The following CCDC125 variants were observed in gnomAD, a reference collection of about 807,000 sequenced individuals.
The protein encoded by CCDC125 is coiled-coil domain-containing protein 125.
In CCDC125, 43 loss-of-function variants were observed where a neutral mutation model predicts 57.4. The observed-to-expected ratio is 0.75, with a 90% CI of 0.59 to 0.97. The LOEUF is 0.97. Among genes scored for constraint, CCDC125 ranks in the 50% least tolerant of loss-of-function variants. The pLI, the probability that CCDC125 is intolerant of heterozygous loss-of-function variation, is 0.00. For synonymous variants in CCDC125, 187 were observed against 195.2 expected, an observed-to-expected ratio of 0.96 and a Z score of 0.35; for missense variants, 563 against 595.7, an observed-to-expected ratio of 0.95 and a Z score of 0.57.
chr5:69,274,614 GTATT>G, the CCDC125 span, among the ~76,000 whole-genome samples: 1 of 152,078 alleles, frequency 6.6e-6, no homozygotes, highest in South Asian at 2.1e-4. Context: ...CCTAAAGGAA[GTATT>G]TATTTATTTA....
At chr5:69,307,733 C>T in intron 5 of CCDC125, 1 of 533,696 alleles carries the variant, frequency 1.9e-6, no homozygotes, top group Non-Finnish European at 3.3e-6. Context: ...GGCAGGCCTC[C>T]TACTACCTTA....
At chr5:69,300,166 C>G in intron 7 of CCDC125, 39 bp from the exon 8 acceptor site, 1 of 1,409,220 alleles carries the variant, frequency 7.1e-7, no homozygotes, top group Non-Finnish European at 1.0e-6. Context: ...ATTATGAAGC[C>G]TAACTCCACC....
At chr5:69,321,840 T>TC (rs1760068108) in intron 1 of CCDC125, among the ~76,000 whole-genome samples, 1 of 147,196 alleles carries the variant, frequency 6.8e-6, no homozygotes, top group Non-Finnish European at 1.5e-5. Context: ...TTCAGAACTC[T>TC]TTTTTTTTTC....
intron 1 of CCDC125, among the ~76,000 whole-genome samples, chr5:69,330,195 C>T (rs1761244067): frequency 6.6e-6 from 1 of 152,158 alleles, no homozygotes; most frequent in Non-Finnish European, 1.5e-5. Context: ...CTCTAAGGCT[C>T]TTTTTCTTTT....
intron 8 of CCDC125, among the ~76,000 whole-genome samples, chr5:69,297,550 G>T (rs1172548054): frequency 1.3e-5 from 2 of 151,662 alleles, no homozygotes; most frequent in Non-Finnish European, 2.9e-5. Flanking sequence ...TGGAGACAGG[G>T]TTTCTCCGTG....
chr5:69,314,040 G>A lies in CCDC125; in HGVS notation c.311C>T (p.Ser104Leu), dbSNP rs767645066. ...NYRRQSSTVD[S>L]NSELSNEELR... ...TTCTTCATTTGACAATTCTGAATTC[G>A]AATCTACTTGGGAGGGAGGAGAAAA... The change falls in exon 3 of 12, where the codon TCG becomes TTG. Residue 104 changes from serine (S) to leucine (L), a missense_variant. By Grantham distance (145) the Ser-to-Leu change is moderately radical (BLOSUM62 -2). Transcript: ENST00000396496. The A allele has an allele frequency of 5.0e-6, 8 of 1,606,924 alleles. No individual in the cohort carries two copies. The highest frequency in any genetic ancestry group is 1.7e-5 in the Admixed American group (1 of 59,962).
At chr5:69,275,800 C>G (rs1023213352), downstream of CCDC125, among the ~76,000 whole-genome samples, 12 of 152,072 alleles carry the variant, frequency 7.9e-5, no homozygotes, top group Non-Finnish European at 1.6e-4. Context: ...ATAGCAAGAC[C>G]CCATTCTCCA....
chr5:69,298,685 C>T (rs1755831287), intron 8 of CCDC125, among the ~76,000 whole-genome samples: 1 of 152,172 alleles, frequency 6.6e-6, no homozygotes, highest in Non-Finnish European at 1.5e-5. Context: ...GTGTCGGGGC[C>T]CTTGTTCCTG....
At position 69,320,452 on chromosome 5, in the gene CCDC125, T is replaced by A. The variant is rs1418282905; in HGVS notation, c.89A>T (p.Tyr30Phe). The change falls in exon 2 of 12, where the codon TAT (tyrosine) becomes TTT (phenylalanine). Residue 30 changes from tyrosine (Y) to phenylalanine (F), a missense_variant. By Grantham distance (22) the Tyr-to-Phe change is conservative. Transcript: ENST00000396496. The part of the protein sequence containing the change: ...EDDMTEGDLG[Y>F]GLGRKPGGIY... ...CCCACCAGGTTTCCTTCCGAGGCCA[T>A]ACCCTAAATCACCTTCTGTCATGTC... 2 of 1,613,508 alleles carry A rather than the reference T, an allele frequency of 1.2e-6. No homozygotes were observed. The highest frequency in any genetic ancestry group is 1.7e-6 in the Non-Finnish European group (2 of 1,179,450).
intron 4 of CCDC125, chr5:69,310,614 C>G: frequency 6.5e-6 from 1 of 153,782 alleles, no homozygotes. Context: ...AATGCATAAG[C>G]AAAACATGGT....
At chr5:69,307,923 A>G (rs770762408) in intron 5 of CCDC125, 28 bp downstream of exon 5, 3 of 1,551,488 alleles carry the variant, frequency 1.9e-6, no homozygotes, top group East Asian at 4.5e-5. Flanking sequence ...ATTGGATTCA[A>G]TAAGTCTACA....
chr5:69,276,484 T>G, downstream of CCDC125: 1 of 1,499,916 alleles, frequency 6.7e-7, no homozygotes, highest in South Asian at 1.1e-5. Flanking sequence ...AGGTAAGATT[T>G]TCCTTAACAC....
chr5:69,327,658 A>G (rs574689849), intron 1 of CCDC125, among the ~76,000 whole-genome samples: 1 of 152,320 alleles, frequency 6.6e-6, no homozygotes, highest in East Asian at 1.9e-4. Flanking sequence ...TTAACTTCTT[A>G]GAGCCTGTTT....
chr5:69,312,585 A>G (rs1758332287), intron 3 of CCDC125, among the ~76,000 whole-genome samples: 1 of 152,192 alleles, frequency 6.6e-6, no homozygotes, highest in Non-Finnish European at 1.5e-5. Flanking sequence ...GATTGTTTGA[A>G]GCCACACATA....
intron 1 of CCDC125, among the ~76,000 whole-genome samples, chr5:69,326,246 T>G (rs1196816877): frequency 1.3e-5 from 2 of 152,198 alleles, no homozygotes; most frequent in Non-Finnish European, 2.9e-5. Context: ...TATACCAAGT[T>G]TCTATTATTT....
At chr5:69,290,208 T>C (rs1470500842) in intron 10 of CCDC125, among the ~76,000 whole-genome samples, 1 of 152,030 alleles carries the variant, frequency 6.6e-6, no homozygotes, top group Non-Finnish European at 1.5e-5. Context: ...CTGACTCCTA[T>C]ACTATTAGTA....
rs1238457937 is a variant in CCDC125 at position 69,320,293 on chromosome 5, T to C, written c.248A>G (p.Gln83Arg). The C allele has an allele frequency of 6.2e-7, 1 of 1,614,190 alleles. No individual in the cohort carries two copies. The highest frequency in any genetic ancestry group is 1.7e-5 in the Admixed American group (1 of 60,018). The change falls in exon 2 of 12, where the codon CAA becomes CGA. Residue 83 changes from glutamine (Q) to arginine (R), a missense_variant. By Grantham distance (43) the Gln-to-Arg change is conservative. Coordinates refer to ENST00000396496, the MANE Select transcript of CCDC125 (RefSeq NM_176816.5). ...TCTGGACACTTGAGGGAATGTATCT[T>C]GCTGGCTCTTATGCTTGGAATACTG... ...SFQYSKHKSQ[Q>R]DTFPQVSRIS...
At position 69,280,338 on chromosome 5, in the gene CCDC125, C is replaced by A. The variant is rs1380666325; in HGVS notation, c.*2391G>T. The A allele has an allele frequency of 6.6e-6, 1 of 152,208 alleles. No individual in the cohort carries two copies. Among genetic ancestry groups the A allele is most frequent in the African/African-American group, 2.4e-5 (1 of 41,450 alleles). The allele number at this position is 152,208 out of a possible 1,614,324, so 9.4% of individuals were successfully genotyped here. On this transcript the variant is annotated 3_prime_UTR_variant, in exon 12 of 12. Coordinates refer to ENST00000396496, the MANE Select transcript of CCDC125 (RefSeq NM_176816.5). ...CTTTGCACATGATAATAATAAAAAA[C>A]ACACCTCTAGGTGGAAATTTAAGAT... is the stretch of plus-strand genomic sequence containing the variant.
At chr5:69,328,880 GC>G (rs1761056288) in intron 1 of CCDC125, among the ~76,000 whole-genome samples, 1 of 151,110 alleles carries the variant, frequency 6.6e-6, no homozygotes, top group African/African-American at 2.4e-5. Flanking sequence ...TGCCAGCTCC[GC>G]CTCCTGGGTT....
Sources: gnomAD v4.1 joint callset for allele counts (sites outside exome capture counted in the v4.1 genomes callset) on GRCh38, gnomAD v4.1.1 for gene constraint, MANE v1.5 for transcripts, NCBI Gene and HGNC (gene_info 2026-07-23, HGNC 2026-07-21) for gene names.